The following MYOF variants were observed in gnomAD, a reference collection of about 807,000 sequenced individuals.
MYOF encodes myoferlin.
In MYOF, 244 loss-of-function variants were observed where a neutral mutation model predicts 284.2. That is an observed-to-expected ratio of 0.86 (90% CI 0.77 to 0.95). MYOF has a LOEUF of 0.95. Among genes scored for constraint, MYOF ranks in the 40% least tolerant of loss-of-function variants. The pLI is 0.00. For missense variants in MYOF, 2,496 were observed against 2,560.6 expected, an observed-to-expected ratio of 0.97 and a Z score of 0.54; for synonymous variants, 904 against 919.7, an observed-to-expected ratio of 0.98 and a Z score of 0.31.
In MYOF at chr10:93,351,250, G is replaced by T; in HGVS notation, c.3868C>A (p.Leu1290Ile). 6.2e-7 allele frequency: 1 copy of T among 1,614,062 alleles called. No individual in the cohort carries two copies. The highest frequency in any genetic ancestry group is 8.5e-7 in the Non-Finnish European group (1 of 1,180,034). The change falls in exon 35 of 54, where the codon CTA becomes ATA. Residue 1290 changes from leucine to isoleucine, a missense_variant. This residue lies in a region of MYOF where 2,436 missense variants were observed against 2,480.7 expected (regional missense o/e 0.98). Transcript: ENST00000359263. ...CTGATCCCCTGGGGGACCATGTATAGATTTGGCGCCCTTTGAGGGGGAAGA... is the reference window on the plus strand; with the variant it reads ...CTGATCCCCTGGGGGACCATGTATATATTTGGCGCCCTTTGAGGGGGAAGA... ...PILPPQRAPN[L>I]YMVPQGIRPV...
chr10:93,361,636 T>A, intron 27 of MYOF, 79 bp from the exon 28 acceptor site: 1 of 1,292,792 alleles, frequency 7.7e-7, no homozygotes. Flanking sequence ...ATATAGTTCC[T>A]CATTTAACTA....
intron 5 of MYOF, among the ~76,000 whole-genome samples, chr10:93,418,824 T>C (rs1158050269): frequency 4.6e-5 from 7 of 152,236 alleles, no homozygotes; most frequent in Admixed American, 3.3e-4. Flanking sequence ...GAACCACTTG[T>C]TTATGATGAG....
chr10:93,351,829 A>G lies in MYOF; in HGVS notation c.3499T>C (p.Cys1167Arg), dbSNP rs758803900. 1.6e-5 allele frequency: 25 copies of G among 1,586,758 alleles called. 1 individual carries two copies. The Admixed American group carries it at 2.2e-4, about 14-fold the overall frequency. The stretch of plus-strand genomic sequence containing the variant: ...GTGGTTTTGCTCCGATGGAGGAAAC[A>G]GATATGAGCATATGGATCTAAAACA... ...DSFSDPYAHI[C>R]FLHRSKTTEI... The change falls in exon 33 of 54, where the codon TGT becomes CGT. Residue 1167 changes from cysteine (C) to arginine (R), a missense_variant. By Grantham distance (180) the Cys-to-Arg change is radical. Coordinates refer to ENST00000359263, the MANE Select transcript of MYOF (RefSeq NM_013451.4).
At chr10:93,411,599 G>A (rs563512470) in intron 5 of MYOF, among the ~76,000 whole-genome samples, 144 of 152,288 alleles carry the variant, frequency 9.5e-4, no homozygotes, top group African/African-American at 3.4e-3. Context: ...TGGGGATGGG[G>A]CACTGGAGCA....
chr10:93,465,557 A>G (rs1226262464), intron 1 of MYOF, among the ~76,000 whole-genome samples: 1 of 6,240 alleles, frequency 1.6e-4, no homozygotes, highest in African/African-American at 2.9e-4. Context: ...TTTTTTTGAG[A>G]TGACTGGAGT....
At chr10:93,458,471 G>A (rs1224768085) in intron 1 of MYOF, among the ~76,000 whole-genome samples, 1 of 151,704 alleles carries the variant, frequency 6.6e-6, no homozygotes, top group South Asian at 2.1e-4. Flanking sequence ...TGCGGTGGCT[G>A]ACACCTGTAA....
In MYOF at chr10:93,364,046, G is replaced by C. The variant is rs142449029; in HGVS notation, c.2783C>G (p.Thr928Arg). ...CTGATAGACTTCATCAGTGAACTCC[G>C]TGTGACCTGCATCTGCCTCAGTCAG... ...SLLTEADAGH[T>R]EFTDEVYQNE... Residue 928 changes from threonine (T) to arginine (R), a missense_variant, in exon 27 of 54, where the codon ACG becomes AGG. Thr to Arg is a moderately conservative substitution (Grantham distance 71). Around this residue, in one of 3 missense-constraint regions of MYOF, gnomAD observed 2,436 missense variants for 2,480.7 expected, o/e 0.98. Coordinates refer to ENST00000359263, the MANE Select transcript of MYOF (RefSeq NM_013451.4). The C allele has an allele frequency of 8.1e-6, 13 of 1,614,160 alleles. No homozygotes were observed. Among genetic ancestry groups the C allele is most frequent in the Non-Finnish European group, 1.1e-5 (13 of 1,180,034 alleles).
intron 19 of MYOF, among the ~76,000 whole-genome samples, chr10:93,382,860 C>A (rs962783028): frequency 6.6e-6 from 1 of 152,128 alleles, no homozygotes. Flanking sequence ...CCAGTCTCTG[C>A]GTTCAATTAT....
At chr10:93,409,968 C>T (rs185453650) in intron 5 of MYOF, among the ~76,000 whole-genome samples, 18 of 152,224 alleles carry the variant, frequency 1.2e-4, no homozygotes, top group Admixed American at 3.3e-4. Context: ...AGGTTGCCTT[C>T]GAAGAGACCA....
chr10:93,358,768 G>A (rs1456964388), intron 29 of MYOF, among the ~76,000 whole-genome samples: 1 of 152,114 alleles, frequency 6.6e-6, no homozygotes, highest in Non-Finnish European at 1.5e-5. Flanking sequence ...TTGGACACAG[G>A]GAGGGGAACA....
intron 3 of MYOF, among the ~76,000 whole-genome samples, chr10:93,445,027 C>A (rs554962026): frequency 1.3e-5 from 2 of 152,254 alleles, no homozygotes; most frequent in South Asian, 4.1e-4. Flanking sequence ...TATAAAAATG[C>A]TTAAAATTTT....
At chr10:93,357,895 G>A (rs1038087563) in intron 29 of MYOF, among the ~76,000 whole-genome samples, 7 of 152,102 alleles carry the variant, frequency 4.6e-5, no homozygotes, top group South Asian at 4.1e-4. Context: ...GAAGAAGAGC[G>A]TTCAAGCACC....
At chr10:93,395,214 G>A (rs1210153205) in intron 16 of MYOF, among the ~76,000 whole-genome samples, 3 of 152,212 alleles carry the variant, frequency 2.0e-5, no homozygotes, top group Non-Finnish European at 4.4e-5. Context: ...GGAGGCCGAG[G>A]AGGGTGGATC....
chr10:93,362,751 T>C (rs1417764562), intron 27 of MYOF, among the ~76,000 whole-genome samples: 2 of 152,070 alleles, frequency 1.3e-5, no homozygotes, highest in African/African-American at 2.4e-5. Flanking sequence ...AGAGTGAAAA[T>C]TGAAATAACA....
intron 22 of MYOF, among the ~76,000 whole-genome samples, chr10:93,376,602 G>A (rs1845847129): frequency 7.1e-6 from 1 of 140,642 alleles, no homozygotes; most frequent in African/African-American, 2.5e-5. Flanking sequence ...TAGGGTGTTA[G>A]CCCAGTGTGG....
intron 43 of MYOF, 136 bp from the exon 44 acceptor site, chr10:93,329,970 GGGT>G: frequency 1.3e-6 from 1 of 762,078 alleles, no homozygotes; most frequent in Non-Finnish European, 2.2e-6. Context: ...TAACCAGGGT[GGGT>G]GGTGGTGGGT....
At chr10:93,401,849 A>C (rs1419979793) in intron 11 of MYOF, among the ~76,000 whole-genome samples, 1 of 150,418 alleles carries the variant, frequency 6.6e-6, no homozygotes, top group African/African-American at 2.4e-5. Flanking sequence ...TGTCCCTTCA[A>C]CTTCTCTCTG....
rs1431545777 is a variant in MYOF at position 93,366,551 on chromosome 10, T to C, written c.2594A>G (p.Glu865Gly). 2 of 1,600,942 alleles carry C rather than the reference T, an allele frequency of 1.2e-6. No homozygotes were observed. The highest frequency in any genetic ancestry group is 2.2e-5 in the East Asian group (1 of 44,746). ...TTTTCCAAACATGAGAGCTTGATTT[T>C]CATACTATTAAAAAAGAGATAAAAT... ...GTFTVFAEMY[E>G]NQALMFGKWG... is the part of the protein sequence containing the mutation. The change falls in exon 26 of 54, where the codon GAA becomes GGA. Residue 865 changes from glutamate (E) to glycine (G), a missense_variant. This residue lies in a region of MYOF where 2,436 missense variants were observed against 2,480.7 expected (regional missense o/e 0.98). Transcript: ENST00000359263.
At position 93,329,668 on chromosome 10, in the gene MYOF, A is replaced by T. The variant is rs368100153; in HGVS notation, c.4978T>A (p.Cys1660Ser). The change falls in exon 44 of 54, where the codon TGT (cysteine) becomes AGT (serine). Residue 1660 changes from cysteine to serine, a missense_variant. This residue lies in a region of MYOF where 2,436 missense variants were observed against 2,480.7 expected (regional missense o/e 0.98). Transcript: ENST00000359263. ...GSHCGIPEEY[C>S]VSGVNTWRDQ... Reference sequence around the variant, plus strand: ...TGTACAGTCAAAGCAACTTACACACAGTACTCCTCTGGTATGCCGCAGTGG... The same window carrying T: ...TGTACAGTCAAAGCAACTTACACACTGTACTCCTCTGGTATGCCGCAGTGG... The T allele has an allele frequency of 2.3e-5, 37 of 1,613,812 alleles. No homozygotes were observed. Among genetic ancestry groups the T allele is most frequent in the Non-Finnish European group, 3.0e-5 (35 of 1,180,048 alleles).
Sources: gnomAD v4.1 joint callset for allele counts (sites outside exome capture counted in the v4.1 genomes callset) on GRCh38, gnomAD v4.1.1 for gene constraint, gnomAD v4.1.1 regional missense constraint, MANE v1.5 for transcripts, NCBI Gene and HGNC (gene_info 2026-07-23, HGNC 2026-07-21) for gene names.